The following MAML3 variants were observed in gnomAD, a reference collection of about 807,000 sequenced individuals.
The protein encoded by MAML3 is mastermind like transcriptional coactivator 3.
Under a neutral mutation model 101.9 loss-of-function variants are expected in MAML3, and 27 were observed. The observed-to-expected ratio is 0.27, with a 90% CI of 0.20 to 0.37. MAML3 has a LOEUF of 0.37. Ranked by LOEUF, MAML3 falls within the 10% of genes least tolerant of loss-of-function variation. MAML3 has a pLI of 1.00. For synonymous variants in MAML3, 501 were observed against 555.9 expected, an observed-to-expected ratio of 0.90 and a Z score of 1.39; for missense variants, 1,316 against 1,444.9, an observed-to-expected ratio of 0.91 and a Z score of 1.45.
At chr4:139,750,958 T>A (rs2111040005) in intron 2 of MAML3, among the ~76,000 whole-genome samples, 1 of 152,322 alleles carries the variant, frequency 6.6e-6, no homozygotes, top group East Asian at 1.9e-4. Flanking sequence ...TGGAGATGTC[T>A]ACTCCTATTT....
chr4:139,825,208 CTT>C (rs1731041225), intron 2 of MAML3, among the ~76,000 whole-genome samples: 1 of 152,072 alleles, frequency 6.6e-6, no homozygotes, highest in Non-Finnish European at 1.5e-5. Context: ...ATTAGAATTT[CTT>C]TCTCTTAGAA....
intron 1 of MAML3, among the ~76,000 whole-genome samples, chr4:139,927,104 CGT>C (rs1384866995): frequency 4.0e-5 from 4 of 99,912 alleles, no homozygotes; most frequent in African/African-American, 1.3e-4. Flanking sequence ...TTGTACTTTT[CGT>C]AGAGACAGGG....
intron 2 of MAML3, among the ~76,000 whole-genome samples, chr4:139,878,050 C>T (rs1271086769): frequency 1.3e-5 from 2 of 152,226 alleles, no homozygotes; most frequent in Admixed American, 6.5e-5. Context: ...CTTACTGTCT[C>T]ACACTCAAAA....
chr4:140,114,666 G>A (rs778565028), intron 1 of MAML3, among the ~76,000 whole-genome samples: 14 of 152,132 alleles, frequency 9.2e-5, no homozygotes, highest in African/African-American at 2.7e-4. Flanking sequence ...ACATACAAGC[G>A]TTGCCAGAAT....
intron 1 of MAML3, among the ~76,000 whole-genome samples, chr4:139,992,896 G>A (rs906122725): frequency 1.3e-5 from 2 of 152,154 alleles, no homozygotes; most frequent in African/African-American, 4.8e-5. Context: ...CCAGTGGTGT[G>A]AAATTGTGTC....
At chr4:139,788,430 T>A (rs113310269) in intron 2 of MAML3, among the ~76,000 whole-genome samples, 1 of 152,216 alleles carries the variant, frequency 6.6e-6, no homozygotes, top group African/African-American at 2.4e-5. Flanking sequence ...GAGAAAGATA[T>A]GTCACATCCT....
intron 1 of MAML3, among the ~76,000 whole-genome samples, chr4:140,024,081 G>A (rs746062264): frequency 2.0e-5 from 3 of 151,882 alleles, no homozygotes; most frequent in Non-Finnish European, 4.4e-5. Flanking sequence ...ATGTATATGT[G>A]TGTATCAATC....
At chr4:139,753,349 TATC>T (rs1729562966) in intron 2 of MAML3, among the ~76,000 whole-genome samples, 2 of 150,002 alleles carry the variant, frequency 1.3e-5, no homozygotes, top group African/African-American at 5.0e-5. Context: ...TTAATCTATC[TATC>T]TATCTATCTA....
intron 2 of MAML3, among the ~76,000 whole-genome samples, chr4:139,783,101 A>T (rs1730245453): frequency 6.6e-6 from 1 of 152,214 alleles, no homozygotes; most frequent in Admixed American, 6.5e-5. Context: ...GGAAAAAAGG[A>T]CATACAGCCT....
intron 1 of MAML3, among the ~76,000 whole-genome samples, chr4:139,955,377 G>C (rs1448245237): frequency 6.6e-6 from 1 of 151,904 alleles, no homozygotes; most frequent in Non-Finnish European, 1.5e-5. Flanking sequence ...GGAGAGAAGG[G>C]ATAGAGGTAT....
chr4:139,975,122 C>T (rs1247950974), intron 1 of MAML3, among the ~76,000 whole-genome samples: 2 of 152,116 alleles, frequency 1.3e-5, no homozygotes. Flanking sequence ...TCCCATCTCT[C>T]TCAGATAAAA....
intron 2 of MAML3, among the ~76,000 whole-genome samples, chr4:139,875,916 CAAAAAAAAAA>C (rs57104878): frequency 3.7e-5 from 3 of 81,562 alleles, no homozygotes; most frequent in Admixed American, 1.5e-4. Context: ...TCACAAACAG[CAAAAAAAAAA>C]AAAAAAAAAA....
chr4:139,872,502 A>G (rs1412997714), intron 2 of MAML3, among the ~76,000 whole-genome samples: 1 of 152,170 alleles, frequency 6.6e-6, no homozygotes, highest in Non-Finnish European at 1.5e-5. Flanking sequence ...TGAAATACTC[A>G]GTAACAGGAA....
intron 1 of MAML3, among the ~76,000 whole-genome samples, chr4:140,067,148 T>A (rs1399578347): frequency 6.6e-6 from 1 of 152,060 alleles, no homozygotes; most frequent in Non-Finnish European, 1.5e-5. Flanking sequence ...TAGTAATCAA[T>A]GAAGTCACTA....
chr4:139,718,796 T>TA lies in MAML3; in HGVS notation c.*526dup, dbSNP rs1374666712. The TA allele has an allele frequency of 6.4e-6, 1 of 156,022 alleles. No homozygotes were observed. The highest frequency in any genetic ancestry group is 1.4e-5 in the Non-Finnish European group (1 of 70,566). The allele number at this position is 156,022 out of a possible 1,614,324, so 9.7% of individuals were successfully genotyped here. On this transcript the variant is annotated 3_prime_UTR_variant, in exon 5 of 5. Transcript: ENST00000509479. ...AATTCAGTAGCATGTCTCAAAGCCT[T>TA]ACATCTCTCGGCACCCAGAGTTCAG...
intron 1 of MAML3, among the ~76,000 whole-genome samples, chr4:140,061,391 T>C (rs898257159): frequency 1.3e-5 from 2 of 152,178 alleles, no homozygotes; most frequent in Admixed American, 6.5e-5. Context: ...ATACTGCCTC[T>C]GATACAGGAG....
chr4:140,075,865 A>G (rs1727757484), intron 1 of MAML3, among the ~76,000 whole-genome samples: 1 of 152,088 alleles, frequency 6.6e-6, no homozygotes, highest in South Asian at 2.1e-4. Context: ...GATTCAAGCG[A>G]TTCTCCCACC....
intron 1 of MAML3, among the ~76,000 whole-genome samples, chr4:140,019,074 T>C (rs1293891081): frequency 6.9e-6 from 1 of 145,394 alleles, no homozygotes; most frequent in African/African-American, 2.8e-5. Context: ...TGGGTTCTAA[T>C]TGTTTTTCTG....
intron 1 of MAML3, among the ~76,000 whole-genome samples, chr4:139,977,963 T>C (rs1734377022): frequency 6.6e-6 from 1 of 151,920 alleles, no homozygotes; most frequent in Non-Finnish European, 1.5e-5. Context: ...AGGAAATTCA[T>C]CACAGAATCA....
Sources: gnomAD v4.1 joint callset for allele counts (sites outside exome capture counted in the v4.1 genomes callset) on GRCh38, gnomAD v4.1.1 for gene constraint, MANE v1.5 for transcripts, NCBI Gene and HGNC (gene_info 2026-07-23, HGNC 2026-07-21) for gene names.